KCNG3: variants seen among roughly 807,000 people sequenced by gnomAD.
KCNG3 encodes the protein potassium voltage-gated channel modifier subfamily G member 3, also known as voltage-gated potassium channel regulatory subunit KCNG3.
KCNG3 carries 15 observed loss-of-function variants against 29.0 expected under a neutral mutation model. That is an observed-to-expected ratio of 0.52 (90% CI 0.35 to 0.80). KCNG3 has a LOEUF of 0.80. Ranked by LOEUF, KCNG3 falls within the 30% of genes least tolerant of loss-of-function variation. KCNG3 has a pLI of 0.01. For missense variants in KCNG3, 512 were observed against 605.7 expected (o/e 0.85, Z 1.62); for synonymous variants, 322 against 248.9 (o/e 1.29, Z -2.76).
chr2:42,434,111 A>G, the KCNG3 span, among the ~76,000 whole-genome samples: 1 of 152,166 alleles, frequency 6.6e-6, no homozygotes, highest in African/African-American at 2.4e-5. Flanking sequence ...AATTCCAACT[A>G]AATTTTTTTG....
chr2:42,430,079 C>G, the KCNG3 span, among the ~76,000 whole-genome samples: 1 of 152,072 alleles, frequency 6.6e-6, no homozygotes, highest in African/African-American at 2.4e-5. Flanking sequence ...AGGTAACCAA[C>G]TAGGGGGGCG....
intron 1 of KCNG3, among the ~76,000 whole-genome samples, chr2:42,473,462 G>A (rs1179260265): frequency 3.3e-5 from 5 of 151,784 alleles, no homozygotes; most frequent in Admixed American, 2.6e-4. Context: ...GGATTCTCCT[G>A]CCTCAGCCTC....
At chr2:42,398,473 T>G in the KCNG3 span, among the ~76,000 whole-genome samples, 1 of 152,096 alleles carries the variant, frequency 6.6e-6, no homozygotes, top group Non-Finnish European at 1.5e-5. Flanking sequence ...AGGTGAGTTT[T>G]GAGACATACG....
chr2:42,401,486 G>C, the KCNG3 span, among the ~76,000 whole-genome samples: 1 of 151,712 alleles, frequency 6.6e-6, no homozygotes, highest in African/African-American at 2.4e-5. Flanking sequence ...CTGTCTCCCA[G>C]GCTGGAGTGC....
chr2:42,416,533 A>G, the KCNG3 span, among the ~76,000 whole-genome samples: 1 of 152,160 alleles, frequency 6.6e-6, no homozygotes, highest in Non-Finnish European at 1.5e-5. Context: ...TCACAGAGAA[A>G]TAATAGACAT....
chr2:42,456,716 T>C (rs1342559234), intron 1 of KCNG3, among the ~76,000 whole-genome samples: 1 of 151,862 alleles, frequency 6.6e-6, no homozygotes, highest in Admixed American at 6.6e-5. Flanking sequence ...ACCCCAGGAG[T>C]GCCACAAAAG....
In KCNG3 at chr2:42,444,005, G is replaced by A; in HGVS notation, c.1240C>T (p.Gln414Ter). 2 of 1,614,144 alleles carry A rather than the reference G, an allele frequency of 1.2e-6. No homozygotes were observed. Among genetic ancestry groups the A allele is most frequent in the Non-Finnish European group, 1.7e-6 (2 of 1,179,994 alleles). The change falls in exon 2 of 2, where the codon CAG (glutamine) becomes TAG (stop). Residue 414 changes from glutamine to a stop codon, truncating the protein, a stop_gained. Transcript: ENST00000306078. LOFTEE classifies it high-confidence loss of function. This position sits in a 1 kb window ranked among gnomAD's most constrained non-coding sequence, Gnocchi z 5.8. ...PITFIYHSFV[Q>*]CYHELKFRSA... is the part of the protein sequence containing the mutation. ...CTAAACTTGAGCTCATGATAACACT[G>A]CACAAAGCTATGGTAGATAAAAGTG...
intron 1 of KCNG3, among the ~76,000 whole-genome samples, chr2:42,487,307 C>T (rs918357718): frequency 1.3e-5 from 2 of 149,846 alleles, no homozygotes; most frequent in Admixed American, 6.7e-5. Flanking sequence ...GTATTTGCAA[C>T]TAATATCATA....
At chr2:42,472,184 A>T (rs544002166) in intron 1 of KCNG3, among the ~76,000 whole-genome samples, 8 of 152,354 alleles carry the variant, frequency 5.3e-5, no homozygotes, top group African/African-American at 1.9e-4. Context: ...TCATTGCAGC[A>T]CTACAGTAAT....
At chr2:42,463,408 C>G (rs1673066431) in intron 1 of KCNG3, 1 of 162,116 alleles carries the variant, frequency 6.2e-6, no homozygotes, top group Admixed American at 6.5e-5. Context: ...TGTCCAACTT[C>G]TTATTCACCT....
chr2:42,468,999 C>A (rs1016100094), intron 1 of KCNG3, among the ~76,000 whole-genome samples: 2 of 145,768 alleles, frequency 1.4e-5, no homozygotes, highest in African/African-American at 2.5e-5. Flanking sequence ...TCCCTAAATC[C>A]ATAAATTTAA....
At chr2:42,391,275 C>A in the KCNG3 span, among the ~76,000 whole-genome samples, 2 of 152,192 alleles carry the variant, frequency 1.3e-5, no homozygotes, top group Non-Finnish European at 2.9e-5. Context: ...ATTGTCCTCA[C>A]TTCTATGACC....
chr2:42,389,433 G>T, the KCNG3 span, among the ~76,000 whole-genome samples: 3 of 152,162 alleles, frequency 2.0e-5, no homozygotes, highest in Non-Finnish European at 2.9e-5. Flanking sequence ...TATTTCCTGG[G>T]AATGAAATGA....
the KCNG3 span, among the ~76,000 whole-genome samples, chr2:42,417,769 G>C: frequency 2.6e-5 from 4 of 151,988 alleles, no homozygotes; most frequent in East Asian, 1.9e-4. Context: ...TCAGGAGTTT[G>C]AGACCAGCCT....
chr2:42,457,249 C>T (rs371317932), intron 1 of KCNG3, among the ~76,000 whole-genome samples: 5 of 151,612 alleles, frequency 3.3e-5, no homozygotes, highest in African/African-American at 9.7e-5. Context: ...CTTTGGGAGG[C>T]CAAGAAAGGC....
At chr2:42,491,641 T>C (rs1246165507) in intron 1 of KCNG3, among the ~76,000 whole-genome samples, 1 of 152,198 alleles carries the variant, frequency 6.6e-6, no homozygotes, top group Non-Finnish European at 1.5e-5. Context: ...CCTAATGAAT[T>C]TCCTTTCAAA....
At chr2:42,423,713 G>A in the KCNG3 span, among the ~76,000 whole-genome samples, 1 of 151,504 alleles carries the variant, frequency 6.6e-6, no homozygotes, top group African/African-American at 2.4e-5. Context: ...TTTTATTACT[G>A]GTCACTTTCC....
the KCNG3 span, among the ~76,000 whole-genome samples, chr2:42,411,067 G>A: frequency 6.6e-6 from 1 of 152,108 alleles, no homozygotes; most frequent in Non-Finnish European, 1.5e-5. Context: ...ACTGATTTGA[G>A]ATAGTTCTCT....
chr2:42,457,627 T>TCACA (rs56251665), intron 1 of KCNG3, among the ~76,000 whole-genome samples: 20,219 of 125,266 alleles, frequency 0.16, 1,837 homozygotes, highest in Non-Finnish European at 0.2. Flanking sequence ...CAGGCAGATC[T>TCACA]CACACACACA....
Sources: gnomAD v4.1 joint callset for allele counts (sites outside exome capture counted in the v4.1 genomes callset) on GRCh38, gnomAD v4.1.1 for gene constraint, Gnocchi (gnomAD v3.1) non-coding constraint, MANE v1.5 for transcripts, NCBI Gene and HGNC (gene_info 2026-07-23, HGNC 2026-07-21) for gene names.